Variants in GPHN observed in about 807,000 individuals in gnomAD.
GPHN encodes the protein gephyrin.
Under a neutral mutation model 95.5 loss-of-function variants are expected in GPHN, and 17 were observed. The observed-to-expected ratio is 0.18, with a 90% CI of 0.12 to 0.27. GPHN has a LOEUF of 0.27. Among genes scored for constraint, GPHN ranks in the 10% least tolerant of loss-of-function variants. GPHN has a pLI of 1.00. For synonymous variants in GPHN, 320 were observed against 322.5 expected, an observed-to-expected ratio of 0.99 and a Z score of 0.08; for missense variants, 660 against 978.1, an observed-to-expected ratio of 0.67 and a Z score of 4.34.
chr14:67,341,887 C>G, the GPHN span, among the ~76,000 whole-genome samples: 20 of 152,064 alleles, frequency 1.3e-4, no homozygotes, highest in African/African-American at 4.8e-4. Context: ...GACCTTACCC[C>G]CAACCCTGTG....
the GPHN span, chr14:67,651,138 T>G: frequency 1.1e-6 from 1 of 910,962 alleles, no homozygotes; most frequent in Non-Finnish European, 1.6e-6. Flanking sequence ...TATGCTACAG[T>G]ACTATGTAAA....
the GPHN span, among the ~76,000 whole-genome samples, chr14:67,624,350 C>T: frequency 2.0e-5 from 3 of 152,262 alleles, no homozygotes; most frequent in Admixed American, 2.0e-4. Context: ...GGAATGAGAA[C>T]TGTATTAGTC....
the GPHN span, chr14:67,196,910 T>C: frequency 6.6e-6 from 1 of 152,218 alleles, no homozygotes; most frequent in Non-Finnish European, 1.5e-5. Flanking sequence ...GAAATTAGTT[T>C]CTTTTGTATA....
In GPHN at chr14:66,925,780, C is replaced by G. The variant is rs142283975; in HGVS notation, c.828+1488C>G. On this transcript the variant is annotated intron_variant, in intron 8 of 22. Coordinates refer to ENST00000478722, the MANE Select transcript of GPHN (RefSeq NM_020806.5). The stretch of plus-strand genomic sequence containing the variant: ...GGATATACACCTAGTAGAGGCATTG[C>G]TGGATCATACGTAGTTCTGTCTTTA... Among the ~76,000 whole-genome samples the G allele has an allele frequency of 3.0e-3, 456 of 152,312 alleles. 3 individuals carry two copies. The highest frequency in any genetic ancestry group is 0.011 in the African/African-American group (438 of 41,572).
chr14:67,224,625 ATTT>A, the GPHN span: 1 of 270,612 alleles, frequency 3.7e-6, no homozygotes, highest in South Asian at 3.3e-5. Context: ...TAACTTTTAA[ATTT>A]TTTTTTTTAC....
chr14:67,360,918 C>A, the GPHN span, among the ~76,000 whole-genome samples: 1 of 152,142 alleles, frequency 6.6e-6, no homozygotes, highest in African/African-American at 2.4e-5. Flanking sequence ...TGGCCTCTTA[C>A]CTGAGAAACC....
At chr14:66,618,742 A>G (rs537687204) in intron 1 of GPHN, among the ~76,000 whole-genome samples, 16 of 152,198 alleles carry the variant, frequency 1.1e-4, no homozygotes, top group African/African-American at 3.6e-4. Flanking sequence ...TGTGTTATTT[A>G]TGTTTCTGTT....
At chr14:67,555,769 C>T in the GPHN span, 12 of 1,599,630 alleles carry the variant, frequency 7.5e-6, no homozygotes, top group Admixed American at 5.2e-5. Context: ...GCCTTGATGC[C>T]GTGTTCACAG....
chr14:67,695,929 T>A, the GPHN span: 1 of 549,880 alleles, frequency 1.8e-6, no homozygotes. Flanking sequence ...CATCTAGGGC[T>A]TAGGGCCTGT....
intron 3 of GPHN, among the ~76,000 whole-genome samples, chr14:66,810,690 G>T (rs962914053): frequency 6.6e-6 from 1 of 152,048 alleles, no homozygotes; most frequent in African/African-American, 2.4e-5. Context: ...TATAATCTTT[G>T]TGTGTGTGTA....
At chr14:67,086,582 G>A (rs1408516277) in intron 11 of GPHN, among the ~76,000 whole-genome samples, 1 of 149,174 alleles carries the variant, frequency 6.7e-6, no homozygotes, top group African/African-American at 2.5e-5. Context: ...ACCCCAGGGG[G>A]CGGAGCCTGC....
intron 9 of GPHN, among the ~76,000 whole-genome samples, chr14:67,006,960 T>C (rs1198220778): frequency 6.6e-6 from 1 of 152,190 alleles, no homozygotes; most frequent in African/African-American, 2.4e-5. Flanking sequence ...GCATAAAATA[T>C]ATCAAAAATG....
At chr14:67,508,670 C>A in the GPHN span, among the ~76,000 whole-genome samples, 1 of 144,724 alleles carries the variant, frequency 6.9e-6, no homozygotes, top group Non-Finnish European at 1.5e-5. Context: ...CCCTTGAGCC[C>A]AGGAGATAGA....
intron 1 of GPHN, among the ~76,000 whole-genome samples, chr14:66,608,361 A>T (rs1230623009): frequency 6.6e-6 from 1 of 151,822 alleles, no homozygotes; most frequent in African/African-American, 2.4e-5. Context: ...GCTTAATATG[A>T]TTTTGATTTT....
the GPHN span, among the ~76,000 whole-genome samples, chr14:67,410,420 T>C: frequency 6.6e-6 from 1 of 152,142 alleles, no homozygotes; most frequent in Admixed American, 6.5e-5. Context: ...CGCAGTTAAA[T>C]GTGAGATTAG....
the GPHN span, chr14:67,279,795 A>C: frequency 5.4e-6 from 2 of 370,426 alleles, no homozygotes; most frequent in Admixed American, 4.5e-5. Context: ...ATGGGCCCTA[A>C]CATTTAAAGC....
the GPHN span, among the ~76,000 whole-genome samples, chr14:67,429,715 G>A: frequency 6.6e-6 from 1 of 152,068 alleles, no homozygotes; most frequent in Non-Finnish European, 1.5e-5. Flanking sequence ...CAGCCTGGGT[G>A]ACAGAGCAAG....
At chr14:66,841,096 TAAG>T (rs1417116426) in intron 4 of GPHN, among the ~76,000 whole-genome samples, 3 of 151,624 alleles carry the variant, frequency 2.0e-5, no homozygotes, top group African/African-American at 7.3e-5. Flanking sequence ...AGCAATGAGT[TAAG>T]AAGTCACAAG....
In GPHN at chr14:66,929,211, G is replaced by A. The variant is rs113563383; in HGVS notation, c.828+4919G>A. 3.6e-3 allele frequency among the ~76,000 whole-genome samples: 541 copies of A among 151,558 alleles called. 12 individuals are homozygous for A. Among genetic ancestry groups the A allele is most frequent in the African/African-American group, 0.011 (443 of 41,324 alleles). On this transcript the variant is annotated intron_variant, in intron 8 of 22. Transcript: ENST00000478722. ...GCTGGGATTACAGGCACGCGCCACC[G>A]TGCCCAGCTAATTTTTGTGTTTAGT... is the stretch of plus-strand genomic sequence containing the variant.
Sources: gnomAD v4.1 joint callset for allele counts (sites outside exome capture counted in the v4.1 genomes callset) on GRCh38, gnomAD v4.1.1 for gene constraint, MANE v1.5 for transcripts, NCBI Gene and HGNC (gene_info 2026-07-23, HGNC 2026-07-21) for gene names.